Variants in FABP6 observed in about 807,000 individuals in gnomAD.
FABP6 encodes the protein fatty acid binding protein 6, also known as gastrotropin.
Under a neutral mutation model 14.9 loss-of-function variants are expected in FABP6, and 13 were observed. The ratio of observed to expected loss-of-function variants is 0.87; its 90% CI spans 0.57 to 1.39. The LOEUF is 1.39. Among genes scored for constraint, FABP6 ranks in the 40% most tolerant of loss-of-function variants. The pLI, the probability that FABP6 is intolerant of heterozygous loss-of-function variation, is 0.00. For missense variants in FABP6, 161 were observed against 167.2 expected, an observed-to-expected ratio of 0.96 and a Z score of 0.20; for synonymous variants, 75 against 63.6, an observed-to-expected ratio of 1.18 and a Z score of -0.85.
At chr5:160,213,847 G>A (rs1759949870) in intron 3 of FABP6, 1 of 1,558,006 alleles carries the variant, frequency 6.4e-7, no homozygotes, top group Admixed American at 1.7e-5. Flanking sequence ...GGAGGGAAGG[G>A]TTCCTGACGT....
At chr5:160,226,082 G>A (rs974727009), upstream of FABP6, among the ~76,000 whole-genome samples, 1 of 152,056 alleles carries the variant, frequency 6.6e-6, no homozygotes, top group Non-Finnish European at 1.5e-5. Context: ...GCTGAGGCAG[G>A]AGAATGGCTT....
chr5:160,210,538 A>G (rs1265413772), intron 2 of FABP6, among the ~76,000 whole-genome samples: 1 of 152,150 alleles, frequency 6.6e-6, no homozygotes, highest in Non-Finnish European at 1.5e-5. Flanking sequence ...AAATACCAGA[A>G]CACAGGGGCA....
intron 3 of FABP6, among the ~76,000 whole-genome samples, chr5:160,219,849 C>T (rs1213342727): frequency 6.6e-6 from 1 of 152,128 alleles, no homozygotes; most frequent in Admixed American, 6.5e-5. Flanking sequence ...AATGCAGATT[C>T]TAGGGCCCCA....
upstream of FABP6, among the ~76,000 whole-genome samples, chr5:160,228,847 G>T (rs948693833): frequency 6.6e-6 from 1 of 151,782 alleles, no homozygotes; most frequent in Non-Finnish European, 1.5e-5. Context: ...CTGTTCCCTC[G>T]TCCTAGAATA....
At chr5:160,191,699 C>T (rs569997682) in intron 1 of FABP6, among the ~76,000 whole-genome samples, 2 of 151,198 alleles carry the variant, frequency 1.3e-5, no homozygotes, top group Non-Finnish European at 2.9e-5. Flanking sequence ...CGGTGGCTCA[C>T]GCCTGTAATC....
intron 2 of FABP6, among the ~76,000 whole-genome samples, chr5:160,234,042 G>A (rs909103919): frequency 1.9e-4 from 29 of 152,086 alleles, no homozygotes; most frequent in African/African-American, 6.3e-4. Flanking sequence ...AATAGAAAAG[G>A]AGTCAGGTTG....
At chr5:160,198,159 A>G (rs1267614643) in intron 1 of FABP6, 1 of 151,814 alleles carries the variant, frequency 6.6e-6, no homozygotes, top group East Asian at 1.9e-4. Context: ...CCCAAGATAT[A>G]GCCCTGGGGA....
At chr5:160,232,340 G>A in intron 2 of FABP6, 67 bp downstream of exon 2, 2 of 1,458,596 alleles carry the variant, frequency 1.4e-6, no homozygotes, top group Non-Finnish European at 1.8e-6. Flanking sequence ...CTCAAACATG[G>A]CCTCCCCGCT....
intron 3 of FABP6, among the ~76,000 whole-genome samples, chr5:160,222,140 C>T (rs1760142731): frequency 7.0e-6 from 1 of 142,792 alleles, no homozygotes. Flanking sequence ...GTCACCCAGG[C>T]TGAATGCAGT....
At chr5:160,191,646 A>G (rs79657539) in intron 1 of FABP6, among the ~76,000 whole-genome samples, 12,538 of 151,780 alleles carry the variant, frequency 0.083, 750 homozygotes, top group East Asian at 0.36. Context: ...GGGTCTCACT[A>G]TATTGCCAAG....
At chr5:160,199,818 C>T (rs1040576101) in intron 2 of FABP6, among the ~76,000 whole-genome samples, 25 of 152,276 alleles carry the variant, frequency 1.6e-4, no homozygotes, top group African/African-American at 6.0e-4. Flanking sequence ...CCTGAACCCC[C>T]GCACCAGCCC....
upstream of FABP6, among the ~76,000 whole-genome samples, chr5:160,225,521 C>G (rs763455067): frequency 1.3e-5 from 2 of 151,776 alleles, no homozygotes; most frequent in Non-Finnish European, 2.9e-5. Context: ...CCTGCCTCAG[C>G]CTCCCAAGTA....
At chr5:160,195,283 CAAAAAAAAAAAAA>C (rs57229719) in intron 1 of FABP6, among the ~76,000 whole-genome samples, 7 of 63,606 alleles carry the variant, frequency 1.1e-4, no homozygotes, top group South Asian at 8.3e-4. Context: ...GACTCTGTCT[CAAAAAAAAAAAAA>C]AAAAAAAAAA....
At chr5:160,193,614 C>T (rs144314959) in intron 1 of FABP6, among the ~76,000 whole-genome samples, 1 of 152,050 alleles carries the variant, frequency 6.6e-6, no homozygotes, top group Non-Finnish European at 1.5e-5. Flanking sequence ...TAGTTAGATA[C>T]AGAGTATCCA....
chr5:160,215,312 G>A (rs1759987112), intron 3 of FABP6, among the ~76,000 whole-genome samples: 2 of 152,220 alleles, frequency 1.3e-5, no homozygotes, highest in South Asian at 2.1e-4. Flanking sequence ...TCAGGAGTTC[G>A]AGACCAGCCT....
intron 2 of FABP6, among the ~76,000 whole-genome samples, chr5:160,199,634 C>T (rs1011571162): frequency 4.6e-5 from 7 of 152,196 alleles, no homozygotes; most frequent in African/African-American, 1.7e-4. Context: ...TCCTGTCTCC[C>T]TCTCTCCCTA....
chr5:160,231,253 G>C (rs1760374947), intron 1 of FABP6, among the ~76,000 whole-genome samples: 1 of 152,228 alleles, frequency 6.6e-6, no homozygotes, highest in African/African-American at 2.4e-5. Flanking sequence ...ACAGCCTCGT[G>C]TTGTGGGATG....
intron 1 of FABP6, among the ~76,000 whole-genome samples, chr5:160,188,808 C>CGGT (rs987172569): frequency 1.3e-5 from 2 of 152,182 alleles, no homozygotes; most frequent in Non-Finnish European, 2.9e-5. Flanking sequence ...CCGGTTGGAG[C>CGGT]GGTTCCCTGC....
At chr5:160,217,153 A>G (rs1760028211) in intron 3 of FABP6, among the ~76,000 whole-genome samples, 1 of 152,136 alleles carries the variant, frequency 6.6e-6, no homozygotes, top group South Asian at 2.1e-4. Flanking sequence ...GGCTCTCAGT[A>G]TTTTCCATCA....
Sources: gnomAD v4.1 joint callset for allele counts (sites outside exome capture counted in the v4.1 genomes callset) on GRCh38, gnomAD v4.1.1 for gene constraint, MANE v1.5 for transcripts, NCBI Gene and HGNC (gene_info 2026-07-23, HGNC 2026-07-21) for gene names.